FNIP1: variants seen among roughly 807,000 people sequenced by gnomAD.
FNIP1 encodes folliculin interacting protein 1.
Under a neutral mutation model 124.5 loss-of-function variants are expected in FNIP1, and 40 were observed. That is an observed-to-expected ratio of 0.32 (90% CI 0.25 to 0.42). FNIP1 has a LOEUF of 0.42. Among genes scored for constraint, FNIP1 ranks in the 10% least tolerant of loss-of-function variants. The probability of loss-of-function intolerance (pLI) is 1.00; values close to 1 mark genes in which losing one functional copy is unlikely to be tolerated. For missense variants in FNIP1, 1,176 were observed against 1,403.7 expected (o/e 0.84, Z 2.59); for synonymous variants, 472 against 470.6 (o/e 1.00, Z -0.04).
intron 15 of FNIP1, among the ~76,000 whole-genome samples, chr5:131,669,900 TAGCC>T (rs1392776517): frequency 7.0e-6 from 1 of 143,732 alleles, no homozygotes; most frequent in Non-Finnish European, 1.5e-5. Flanking sequence ...TTGAAAATTC[TAGCC>T]AGTACAATGA....
chr5:131,737,672 C>T (rs189040345), intron 2 of FNIP1, among the ~76,000 whole-genome samples: 333 of 152,284 alleles, frequency 2.2e-3, no homozygotes, highest in African/African-American at 5.9e-3. Flanking sequence ...TTCTGTTTTA[C>T]ATATATTTAC....
At chr5:131,678,776 A>G (rs1767985123) in intron 12 of FNIP1, among the ~76,000 whole-genome samples, 1 of 152,176 alleles carries the variant, frequency 6.6e-6, no homozygotes, top group South Asian at 2.1e-4. Flanking sequence ...TCACAAAAAA[A>G]TGGGCAGCCT....
intron 15 of FNIP1, among the ~76,000 whole-genome samples, chr5:131,669,917 CAA>C (rs11440510): frequency 5.3e-5 from 7 of 132,528 alleles, no homozygotes; most frequent in Admixed American, 1.5e-4. Context: ...TACAATGAGT[CAA>C]AAAAAAAAAA....
intron 1 of FNIP1, among the ~76,000 whole-genome samples, chr5:131,771,660 C>A (rs1424668796): frequency 6.6e-6 from 1 of 152,116 alleles, no homozygotes; most frequent in African/African-American, 2.4e-5. Context: ...CTCCTTTTAC[C>A]TTAAAGAAAA....
intron 1 of FNIP1, among the ~76,000 whole-genome samples, chr5:131,779,008 AG>A (rs1482385468): frequency 1.3e-5 from 1 of 78,922 alleles, no homozygotes; most frequent in Non-Finnish European, 2.4e-5. Context: ...GGGAGGGGGG[AG>A]GGGGGAGGGA....
chr5:131,695,277 G>A (rs944122556), intron 11 of FNIP1, among the ~76,000 whole-genome samples: 5 of 152,208 alleles, frequency 3.3e-5, no homozygotes, highest in African/African-American at 7.2e-5. Flanking sequence ...GTGTGGGCAC[G>A]TGCGTGCATA....
chr5:131,730,760 C>A (rs1040940639), intron 3 of FNIP1, 144 bp downstream of exon 3: 50 of 544,120 alleles, frequency 9.2e-5, no homozygotes, highest in Non-Finnish European at 1.5e-4. Context: ...AGTTCATAAA[C>A]ATAATTGTTT....
chr5:131,739,832 A>AAAAAAAAC (rs1770453900), intron 2 of FNIP1, among the ~76,000 whole-genome samples: 1 of 149,550 alleles, frequency 6.7e-6, no homozygotes, highest in African/African-American at 2.5e-5. Context: ...AAAAAAAAAA[A>AAAAAAAAC]AAAAACACTG....
intron 11 of FNIP1, among the ~76,000 whole-genome samples, chr5:131,685,163 C>G (rs914387588): frequency 1.3e-5 from 2 of 152,010 alleles, no homozygotes; most frequent in African/African-American, 4.8e-5. Flanking sequence ...GTGGTTGAGG[C>G]AAGAGGATCC....
intron 16 of FNIP1, among the ~76,000 whole-genome samples, chr5:131,651,302 AG>A (rs561882927): frequency 1.2e-3 from 182 of 152,302 alleles, no homozygotes; most frequent in African/African-American, 4.3e-3. Flanking sequence ...CTAAGGCAGG[AG>A]GATCACCTGA....
intron 10 of FNIP1, among the ~76,000 whole-genome samples, chr5:131,703,425 C>T (rs1236455515): frequency 6.6e-6 from 1 of 152,220 alleles, no homozygotes; most frequent in Non-Finnish European, 1.5e-5. Context: ...ATCTTTCATA[C>T]TTTTGTAAGA....
At position 131,735,284 on chromosome 5, in the gene FNIP1, G is replaced by A. The variant is rs187413468; in HGVS notation, c.220-4246C>T. Among the ~76,000 whole-genome samples the A allele has an allele frequency of 1.2e-3, 184 of 152,094 alleles. No individual in the cohort carries two copies. The East Asian group carries it at 0.02, about 16-fold the overall frequency. On this transcript the variant is annotated intron_variant, in intron 2 of 17. Transcript: ENST00000510461. Reference sequence around the variant, plus strand: ...TGAGAACACTTGGACACACGAAGGGGAACATCACACACCAGGGCCTGCTGT... The same window carrying A: ...TGAGAACACTTGGACACACGAAGGGAAACATCACACACCAGGGCCTGCTGT...
chr5:131,724,908 T>C (rs917464706), intron 3 of FNIP1, among the ~76,000 whole-genome samples: 1 of 152,208 alleles, frequency 6.6e-6, no homozygotes, highest in Non-Finnish European at 1.5e-5. Flanking sequence ...CAGTTTCAGT[T>C]TTCTGCATAT....
intron 2 of FNIP1, among the ~76,000 whole-genome samples, chr5:131,739,317 A>G (rs1770427082): frequency 6.6e-6 from 1 of 152,198 alleles, no homozygotes; most frequent in Non-Finnish European, 1.5e-5. Context: ...CCTGGATAAA[A>G]CAGTAAGACG....
At chr5:131,780,920 A>G (rs1771975445) in intron 1 of FNIP1, among the ~76,000 whole-genome samples, 1 of 152,224 alleles carries the variant, frequency 6.6e-6, no homozygotes, top group African/African-American at 2.4e-5. Flanking sequence ...GATCAAGCGT[A>G]GTGAGGAAGG....
rs375340588 is a variant in FNIP1, at chr5:131,721,691, G to A, written c.355-2274C>T. 7.2e-5 allele frequency among the ~76,000 whole-genome samples: 11 copies of A among 152,182 alleles called. No individual in the cohort carries two copies. In the East Asian group the frequency reaches 1.7e-3, roughly 24 times the overall value. ...TGCATGCCTGTAATCCCAGCTACGCGGGAGGCTGAGGCAGGAGAATCGCTT... is the reference window on the plus strand; with the variant it reads ...TGCATGCCTGTAATCCCAGCTACGCAGGAGGCTGAGGCAGGAGAATCGCTT... On this transcript the variant is annotated intron_variant, in intron 3 of 17. Coordinates refer to ENST00000510461, the MANE Select transcript of FNIP1 (RefSeq NM_133372.3).
At chr5:131,715,357 G>T (rs927744768) in intron 6 of FNIP1, among the ~76,000 whole-genome samples, 2 of 152,052 alleles carry the variant, frequency 1.3e-5, no homozygotes, top group Admixed American at 1.3e-4. Flanking sequence ...GTGATGGCGC[G>T]TGCCTGCAGT....
In FNIP1 at chr5:131,651,905, A is replaced by C. The variant is rs761647238; in HGVS notation, c.3203T>G (p.Val1068Gly). 2.5e-6 allele frequency: 4 copies of C among 1,614,092 alleles called. No individual in the cohort carries two copies. Among genetic ancestry groups the C allele is most frequent in the Non-Finnish European group, 3.4e-6 (4 of 1,180,034 alleles). Residue 1068 changes from valine to glycine, a missense_variant, in exon 16 of 18, where the codon GTG becomes GGG. Around this residue, in one of 2 missense-constraint regions of FNIP1, gnomAD observed 1,109 missense variants for 1,288.5 expected, o/e 0.86. Coordinates refer to ENST00000510461, the MANE Select transcript of FNIP1 (RefSeq NM_133372.3). ...TVQVASSQRR[V>G]TDNKLGKEVL... ...TTCCTTTCCCAATTTATTATCTGTC[A>C]CTCGTCTCTGGCTACTGGCCACTTG...
At chr5:131,657,708 G>A (rs1447234636) in intron 15 of FNIP1, among the ~76,000 whole-genome samples, 1 of 94,994 alleles carries the variant, frequency 1.1e-5, no homozygotes, top group Non-Finnish European at 1.9e-5. Flanking sequence ...GCCCATCAAG[G>A]AAATGATGAA....
Sources: gnomAD v4.1 joint callset for allele counts (sites outside exome capture counted in the v4.1 genomes callset) on GRCh38, gnomAD v4.1.1 for gene constraint, gnomAD v4.1.1 regional missense constraint, MANE v1.5 for transcripts, NCBI Gene and HGNC (gene_info 2026-07-23, HGNC 2026-07-21) for gene names.